Variants in EYA2 observed in about 807,000 individuals in gnomAD.
The protein encoded by EYA2 is EYA transcriptional coactivator and phosphatase 2.
EYA2 carries 31 observed loss-of-function variants against 69.2 expected under a neutral mutation model. The ratio of observed to expected loss-of-function variants is 0.45; its 90% CI spans 0.34 to 0.60. The LOEUF is 0.60. Among genes scored for constraint, EYA2 ranks in the 20% least tolerant of loss-of-function variants. The pLI is 0.02. For missense variants in EYA2, 622 were observed against 701.2 expected (o/e 0.89, Z 1.28); for synonymous variants, 257 against 279.4 (o/e 0.92, Z 0.80).
At chr20:47,107,210 A>C (rs1187856166) in intron 9 of EYA2, among the ~76,000 whole-genome samples, 1 of 152,150 alleles carries the variant, frequency 6.6e-6, no homozygotes, top group Non-Finnish European at 1.5e-5. Context: ...GAGAGGAAGG[A>C]AGATGATAAG....
intron 9 of EYA2, among the ~76,000 whole-genome samples, chr20:47,132,060 A>T (rs1339759331): frequency 6.6e-6 from 1 of 152,162 alleles, no homozygotes; most frequent in East Asian, 1.9e-4. Context: ...TCAACCTCCC[A>T]GGCTTGAGCA....
At chr20:47,186,924 A>C (rs1243852129) in intron 15 of EYA2, among the ~76,000 whole-genome samples, 1 of 151,920 alleles carries the variant, frequency 6.6e-6, no homozygotes, top group Non-Finnish European at 1.5e-5. Flanking sequence ...CCTTTTTCCT[A>C]TTTACCTAGA....
intron 1 of EYA2, among the ~76,000 whole-genome samples, chr20:46,977,630 G>A (rs1344803116): frequency 1.3e-5 from 2 of 152,252 alleles, no homozygotes; most frequent in Admixed American, 1.3e-4. Flanking sequence ...GATTCTAAAT[G>A]ATGGGCAGCC....
At chr20:46,999,375 G>A (rs1982218861) in intron 2 of EYA2, among the ~76,000 whole-genome samples, 1 of 152,180 alleles carries the variant, frequency 6.6e-6, no homozygotes, top group Admixed American at 6.5e-5. Context: ...CAAACCCAGG[G>A]TAGGGAAATC....
chr20:47,040,107 C>T (rs1984968700), intron 5 of EYA2, among the ~76,000 whole-genome samples: 1 of 152,104 alleles, frequency 6.6e-6, no homozygotes, highest in Admixed American at 6.5e-5. Flanking sequence ...ACCCAAAGTG[C>T]TGGGATTACA....
intron 1 of EYA2, among the ~76,000 whole-genome samples, chr20:46,922,014 A>G (rs1985200873): frequency 6.6e-6 from 1 of 152,208 alleles, no homozygotes; most frequent in Admixed American, 6.5e-5. Context: ...ACTCATGTCT[A>G]CTAGACACAG....
chr20:47,086,191 A>G (rs1481401179), intron 7 of EYA2, among the ~76,000 whole-genome samples: 1 of 152,158 alleles, frequency 6.6e-6, no homozygotes, highest in Non-Finnish European at 1.5e-5. Flanking sequence ...TTTATAAAGA[A>G]AAGAGGTTTA....
chr20:47,170,630 G>C (rs2146652590), intron 11 of EYA2, among the ~76,000 whole-genome samples: 1 of 150,348 alleles, frequency 6.7e-6, no homozygotes, highest in Non-Finnish European at 1.5e-5. Context: ...CTGGGGTACA[G>C]AGCGAGACTC....
intron 9 of EYA2, among the ~76,000 whole-genome samples, chr20:47,138,586 A>G (rs530576011): frequency 6.6e-6 from 1 of 152,022 alleles, no homozygotes; most frequent in East Asian, 1.9e-4. Flanking sequence ...CCCTGTCTCT[A>G]CAAAAAAAAA....
At chr20:46,932,342 C>G (rs540559558) in intron 1 of EYA2, among the ~76,000 whole-genome samples, 1 of 152,272 alleles carries the variant, frequency 6.6e-6, no homozygotes, top group Non-Finnish European at 1.5e-5. Context: ...CTCTGCTCCC[C>G]CCACCAAGTG....
chr20:47,029,447 TA>T (rs1396294378), intron 5 of EYA2, among the ~76,000 whole-genome samples: 2 of 152,276 alleles, frequency 1.3e-5, no homozygotes, highest in African/African-American at 4.8e-5. Flanking sequence ...AATGATGCCA[TA>T]ATGGTTGTAA....
At chr20:47,156,176 A>G (rs1262223483) in intron 10 of EYA2, among the ~76,000 whole-genome samples, 2 of 85,000 alleles carry the variant, frequency 2.4e-5, no homozygotes, top group East Asian at 8.6e-4. Context: ...ATATATATAT[A>G]TATATATATT....
chr20:46,910,460 G>A (rs551573050), intron 1 of EYA2, among the ~76,000 whole-genome samples: 3 of 152,122 alleles, frequency 2.0e-5, no homozygotes, highest in South Asian at 2.1e-4. Flanking sequence ...GTGTGGACAC[G>A]CATCCAAACC....
intron 3 of EYA2, among the ~76,000 whole-genome samples, chr20:47,003,583 C>T (rs746904861): frequency 8.5e-5 from 13 of 152,304 alleles, no homozygotes; most frequent in African/African-American, 1.4e-4. Context: ...TATCTGTGCA[C>T]GTAACCTCCT....
chr20:46,955,119 C>A (rs973819269), intron 1 of EYA2, among the ~76,000 whole-genome samples: 1 of 150,550 alleles, frequency 6.6e-6, no homozygotes, highest in Admixed American at 6.8e-5. Flanking sequence ...CATTTCCTTC[C>A]ACACTCGTTC....
intron 4 of EYA2, among the ~76,000 whole-genome samples, chr20:47,009,655 A>G (rs1325243134): frequency 6.6e-6 from 1 of 152,214 alleles, no homozygotes; most frequent in East Asian, 1.9e-4. Flanking sequence ...ATAAAGAGCC[A>G]CATAGTAAAT....
intron 3 of EYA2, among the ~76,000 whole-genome samples, chr20:47,003,028 G>A (rs1982477059): frequency 6.6e-6 from 1 of 152,230 alleles, no homozygotes; most frequent in African/African-American, 2.4e-5. Context: ...CAAAAGTGAT[G>A]TAACCAAAAT....
At chr20:47,112,756 CTCT>C in intron 9 of EYA2, among the ~76,000 whole-genome samples, 1 of 150,982 alleles carries the variant, frequency 6.6e-6, no homozygotes, top group Non-Finnish European at 1.5e-5. Flanking sequence ...ATTATTGTTA[CTCT>C]TCTTATTTTG....
chr20:46,910,484 T>C (rs73303618), intron 1 of EYA2, among the ~76,000 whole-genome samples: 6,575 of 152,246 alleles, frequency 0.043, 499 homozygotes, highest in African/African-American at 0.15. Context: ...TTATCATCTC[T>C]TTTCATGGTC....
Sources: allele counts gnomAD v4.1 joint callset (sites outside exome capture counted in the v4.1 genomes callset), GRCh38; gene constraint gnomAD v4.1.1; transcripts MANE v1.5; gene names NCBI Gene and HGNC (gene_info 2026-07-23, HGNC 2026-07-21).